Variants in NRF1 observed in about 807,000 individuals in gnomAD.
NRF1 encodes the protein alpha palindromic-binding protein.
Under a neutral mutation model 58.5 loss-of-function variants are expected in NRF1, and 5 were observed. The observed-to-expected ratio is 0.09, with a 90% CI of 0.04 to 0.18. NRF1 has a LOEUF of 0.18. Ranked by LOEUF, NRF1 falls within the 10% of genes least tolerant of loss-of-function variation. NRF1 has a pLI of 1.00. For missense variants in NRF1, 288 were observed against 657.7 expected (o/e 0.44, Z 6.15); for synonymous variants, 224 against 246.7 (o/e 0.91, Z 0.86).
intron 10 of NRF1, among the ~76,000 whole-genome samples, chr7:129,738,676 A>G (rs1210519447): frequency 6.6e-6 from 1 of 152,104 alleles, no homozygotes; most frequent in African/African-American, 2.4e-5. Flanking sequence ...AACCACCACC[A>G]CTGCCACCAT....
intron 9 of NRF1, among the ~76,000 whole-genome samples, chr7:129,720,526 T>A (rs1354517563): frequency 6.6e-6 from 1 of 152,304 alleles, no homozygotes; most frequent in African/African-American, 2.4e-5. Context: ...TGCAGCTTGC[T>A]CTGTTTTGGG....
At chr7:129,718,911 C>T (rs938505164) in intron 9 of NRF1, among the ~76,000 whole-genome samples, 3 of 152,176 alleles carry the variant, frequency 2.0e-5, no homozygotes, top group Admixed American at 6.5e-5. Context: ...CACACAGAAT[C>T]ATGTATATGA....
intron 1 of NRF1, among the ~76,000 whole-genome samples, chr7:129,638,532 C>G (rs1382303301): frequency 6.6e-6 from 1 of 152,140 alleles, no homozygotes; most frequent in Non-Finnish European, 1.5e-5. Flanking sequence ...TTGATGGCCT[C>G]TTTTCCCCTT....
intron 2 of NRF1, among the ~76,000 whole-genome samples, chr7:129,662,170 G>C (rs1051507902): frequency 2.6e-4 from 40 of 151,994 alleles, no homozygotes; most frequent in African/African-American, 9.5e-4. Context: ...GGAGTTATGA[G>C]AGTACAATTC....
At chr7:129,612,407 C>T (rs1202962429) in intron 1 of NRF1, among the ~76,000 whole-genome samples, 12 of 152,160 alleles carry the variant, frequency 7.9e-5, no homozygotes, top group Non-Finnish European at 2.9e-5. Context: ...TCCCTCCTGC[C>T]GGGGTGGCGT....
chr7:129,737,494 C>G (rs1025959024), intron 10 of NRF1, among the ~76,000 whole-genome samples: 4 of 152,152 alleles, frequency 2.6e-5, no homozygotes, highest in African/African-American at 9.7e-5. Flanking sequence ...TACTGCATGT[C>G]CCACTGTTCC....
At chr7:129,613,349 G>C (rs894521517) in intron 1 of NRF1, among the ~76,000 whole-genome samples, 2 of 152,134 alleles carry the variant, frequency 1.3e-5, no homozygotes, top group African/African-American at 4.8e-5. Flanking sequence ...AATTGTATTT[G>C]ACAGTTCTTG....
At chr7:129,619,759 T>A (rs1018634443) in intron 1 of NRF1, among the ~76,000 whole-genome samples, 1 of 150,518 alleles carries the variant, frequency 6.6e-6, no homozygotes, top group African/African-American at 2.4e-5. Context: ...TTTGCCTCTT[T>A]TACATTGTCT....
intron 10 of NRF1, among the ~76,000 whole-genome samples, chr7:129,729,166 G>T (rs1262795094): frequency 6.6e-6 from 1 of 152,120 alleles, no homozygotes; most frequent in African/African-American, 2.4e-5. Flanking sequence ...GACCTGTCTG[G>T]GAGAGAACAG....
At chr7:129,700,523 G>GA (rs1300365698) in intron 5 of NRF1, among the ~76,000 whole-genome samples, 1 of 152,172 alleles carries the variant, frequency 6.6e-6, no homozygotes, top group Non-Finnish European at 1.5e-5. Context: ...TGTAGTGTCA[G>GA]AATTTACTGG....
chr7:129,677,765 C>A lies in NRF1; in HGVS notation c.465+7C>A. 2 of 1,613,020 alleles carry A rather than the reference C, an allele frequency of 1.2e-6. No individual in the cohort carries two copies. Among genetic ancestry groups the A allele is most frequent in the South Asian group, 2.2e-5 (2 of 90,744 alleles). On this transcript the variant is annotated splice_region_variant and intron_variant, in intron 4 of 10. Coordinates refer to ENST00000393232, the MANE Select transcript of NRF1 (RefSeq NM_005011.5). ...AGCACCTTTGGAGAATGTGGTAAGT[C>A]AGAACCAAGCTGTTCTCATTTGCCC...
chr7:129,696,716 C>A (rs752356820), intron 5 of NRF1, among the ~76,000 whole-genome samples: 1 of 152,104 alleles, frequency 6.6e-6, no homozygotes, highest in African/African-American at 2.4e-5. Context: ...ATATTGATGA[C>A]CCTAACTTAG....
intron 10 of NRF1, 81 bp downstream of exon 10, chr7:129,727,446 C>A: frequency 1.4e-6 from 2 of 1,438,634 alleles, no homozygotes; most frequent in Non-Finnish European, 1.9e-6. Flanking sequence ...ACAAAGCCTT[C>A]AGAAAGAGTT....
At chr7:129,716,912 T>C (rs1803204716) in intron 8 of NRF1, among the ~76,000 whole-genome samples, 1 of 150,834 alleles carries the variant, frequency 6.6e-6, no homozygotes, top group Non-Finnish European at 1.5e-5. Context: ...GCTTTCTGTC[T>C]CCCATCCAAC....
intron 5 of NRF1, among the ~76,000 whole-genome samples, chr7:129,691,201 C>T (rs890593819): frequency 6.6e-6 from 1 of 151,198 alleles, no homozygotes; most frequent in African/African-American, 2.4e-5. Context: ...TTTCCTCTTC[C>T]TTTAAGAAGG....
At chr7:129,665,840 C>T (rs543142056) in intron 2 of NRF1, among the ~76,000 whole-genome samples, 9 of 152,276 alleles carry the variant, frequency 5.9e-5, no homozygotes, top group East Asian at 1.9e-4. Context: ...TCTTGAACTC[C>T]GGGGCTCAAG....
intron 2 of NRF1, among the ~76,000 whole-genome samples, chr7:129,669,448 C>T (rs973121019): frequency 6.6e-6 from 1 of 151,978 alleles, no homozygotes; most frequent in African/African-American, 2.4e-5. Context: ...TTTAAAAACC[C>T]CAGTGTGAGT....
intron 1 of NRF1, among the ~76,000 whole-genome samples, chr7:129,649,241 C>A (rs1801480749): frequency 6.6e-6 from 1 of 152,116 alleles, no homozygotes; most frequent in South Asian, 2.1e-4. Context: ...GGTAAAATTT[C>A]TATCCTAGTT....
chr7:129,710,330 A>G (rs3736626), intron 6 of NRF1, 44 bp from the exon 7 acceptor site: 1 of 1,588,580 alleles, frequency 6.3e-7, no homozygotes, highest in African/African-American at 1.3e-5. Flanking sequence ...AAATAACCAA[A>G]GTTCTTTGTG....
Sources: gnomAD v4.1 joint callset for allele counts (sites outside exome capture counted in the v4.1 genomes callset) on GRCh38, gnomAD v4.1.1 for gene constraint, MANE v1.5 for transcripts, NCBI Gene and HGNC (gene_info 2026-07-23, HGNC 2026-07-21) for gene names.